The following FGD6 variants were observed in gnomAD, a reference collection of about 807,000 sequenced individuals.
The protein encoded by FGD6 is FYVE, RhoGEF and PH domain-containing protein 6.
In FGD6, 90 loss-of-function variants were observed where a neutral mutation model predicts 149.4. The ratio of observed to expected loss-of-function variants is 0.60; its 90% CI spans 0.51 to 0.72. The LOEUF is 0.72. FGD6 is among the 30% of genes least tolerant of loss of function. The pLI is 0.00. For synonymous variants in FGD6, 527 were observed against 584.0 expected (o/e 0.90, Z 1.41); for missense variants, 1,437 against 1,684.8 (o/e 0.85, Z 2.57).
chr12:95,165,813 GTC>G (rs763073278), intron 3 of FGD6, among the ~76,000 whole-genome samples: 3 of 150,600 alleles, frequency 2.0e-5, no homozygotes, highest in Non-Finnish European at 4.4e-5. Context: ...AATTTTTTGT[GTC>G]TGTTTTTTTT....
Position 95,106,937 on chromosome 12 carries a change from C to T in FGD6, c.3417+17G>A, listed in dbSNP as rs780435588. The T allele has an allele frequency of 2.6e-6, 4 of 1,560,518 alleles. No individual in the cohort carries two copies. Among genetic ancestry groups the T allele is most frequent in the Non-Finnish European group, 3.5e-6 (4 of 1,134,448 alleles). ...CAAAACAAAACAAAAAACAAAACAT[C>T]TAACAGATGCACACACCTTCATTCC... On this transcript the variant is annotated intron_variant, in intron 13 of 20. Transcript: ENST00000343958.
rs1296268426 is a variant in FGD6, at chr12:95,149,227, CATATATATTATATAAT to C, written c.2685+3568_2685+3583del. Among the ~76,000 whole-genome samples, 216 of 22,248 alleles carry C rather than the reference CATATATATTATATAAT, an allele frequency of 9.7e-3. 85 individuals carry two copies. Among genetic ancestry groups the C allele is most frequent in the African/African-American group, 0.022 (92 of 4,208 alleles). 14.6% of individuals were successfully genotyped at this position (22,248 alleles called of 152,430 possible). A position where few individuals can be genotyped will look rare whatever the true frequency, so the allele number is the denominator to read the frequency against. On this transcript the variant is annotated intron_variant, in intron 5 of 20. Transcript: ENST00000343958. ...ATATTATATATTATATAATATATAG[CATATATATTATATAAT>C]ATATAGCATATATATTATATATTAT...
intron 5 of FGD6, among the ~76,000 whole-genome samples, chr12:95,142,861 A>T (rs914217237): frequency 3.3e-5 from 5 of 152,086 alleles, no homozygotes; most frequent in South Asian, 2.1e-4. Flanking sequence ...TTCACCTATT[A>T]TTTTTCATTT....
chr12:95,142,694 A>C (rs1045402055), intron 5 of FGD6, among the ~76,000 whole-genome samples: 1 of 152,204 alleles, frequency 6.6e-6, no homozygotes, highest in Non-Finnish European at 1.5e-5. Flanking sequence ...TAGTTATGAG[A>C]CTTTAATTAG....
chr12:95,104,204 G>T (rs1350662085), intron 14 of FGD6, among the ~76,000 whole-genome samples: 1 of 152,090 alleles, frequency 6.6e-6, no homozygotes, highest in Admixed American at 6.6e-5. Flanking sequence ...ACGGTATTGG[G>T]AAAGAAGAAA....
intron 5 of FGD6, among the ~76,000 whole-genome samples, chr12:95,150,269 C>G (rs543239059): frequency 6.6e-6 from 1 of 152,018 alleles, no homozygotes; most frequent in African/African-American, 2.4e-5. Flanking sequence ...TCATGTGATC[C>G]GCCTGCCCTG....
chr12:95,199,614 C>CT (rs35515272), intron 2 of FGD6, among the ~76,000 whole-genome samples: 24,423 of 128,634 alleles, frequency 0.19, 2,921 homozygotes, highest in African/African-American at 0.29. Flanking sequence ...GAAAAGCTAC[C>CT]TTTTTTTTTT....
intron 2 of FGD6, among the ~76,000 whole-genome samples, chr12:95,191,993 G>A (rs1183513468): frequency 1.3e-5 from 2 of 152,084 alleles, no homozygotes; most frequent in African/African-American, 2.4e-5. Context: ...CTCCCAAAAT[G>A]CTAGGATTAC....
At chr12:95,105,582 G>A (rs1878585619) in intron 13 of FGD6, among the ~76,000 whole-genome samples, 1 of 152,172 alleles carries the variant, frequency 6.6e-6, no homozygotes, top group Admixed American at 6.5e-5. Flanking sequence ...AAGTCCCTGG[G>A]GGAGGAAAGA....
rs1877608191 is a variant in FGD6, at chr12:95,079,676, A to C, written c.*1844T>G. The C allele has an allele frequency of 1.3e-5, 2 of 152,188 alleles. No individual in the cohort carries two copies. 9.4% of individuals were successfully genotyped at this position (152,188 alleles called of 1,614,324 possible). A position where few individuals can be genotyped will look rare whatever the true frequency, so the allele number is the denominator to read the frequency against. ...GAAATTTTAGTGTACCTGCTATGAC[A>C]GAAAGGGGATGGCATGTTAGGATTG... On this transcript the variant is annotated 3_prime_UTR_variant, in exon 21 of 21. Transcript: ENST00000343958.
At chr12:95,189,426 T>C (rs1369828709) in intron 2 of FGD6, 1 of 152,108 alleles carries the variant, frequency 6.6e-6, no homozygotes, top group Non-Finnish European at 1.5e-5. Flanking sequence ...TGAGGGAGGA[T>C]CGCTTGAGCC....
intron 2 of FGD6, among the ~76,000 whole-genome samples, chr12:95,177,859 A>C (rs1000991690): frequency 2.6e-5 from 4 of 152,152 alleles, no homozygotes; most frequent in African/African-American, 9.6e-5. Context: ...ATAGGACTGC[A>C]GATTCCACTG....
chr12:95,158,228 C>T (rs551038058), intron 3 of FGD6, among the ~76,000 whole-genome samples: 137 of 138,176 alleles, frequency 9.9e-4, no homozygotes, highest in African/African-American at 3.7e-3. Context: ...AGTGCAGTGG[C>T]GTGATCTTGG....
chr12:95,097,505 G>A (rs896945219), intron 14 of FGD6, among the ~76,000 whole-genome samples: 6 of 151,948 alleles, frequency 3.9e-5, no homozygotes, highest in African/African-American at 1.5e-4. Flanking sequence ...GCATGGCGGT[G>A]CGCACCTGTA....
chr12:95,182,551 T>C (rs980089139), intron 2 of FGD6, among the ~76,000 whole-genome samples: 1 of 152,180 alleles, frequency 6.6e-6, no homozygotes, highest in Non-Finnish European at 1.5e-5. Flanking sequence ...TATATAAAAA[T>C]GGTGATGCCA....
At chr12:95,174,266 G>A (rs1312619742) in intron 2 of FGD6, among the ~76,000 whole-genome samples, 4 of 152,160 alleles carry the variant, frequency 2.6e-5, no homozygotes, top group East Asian at 1.9e-4. Flanking sequence ...TGAGATTAGC[G>A]AGAGCAAATG....
intron 2 of FGD6, among the ~76,000 whole-genome samples, chr12:95,180,554 G>A (rs906251194): frequency 6.6e-6 from 1 of 151,656 alleles, no homozygotes; most frequent in African/African-American, 2.4e-5. Context: ...CACCACACCT[G>A]GCTAATTTTC....
intron 19 of FGD6, 85 bp from the exon 20 acceptor site, chr12:95,084,731 A>C: frequency 9.1e-7 from 1 of 1,094,054 alleles, no homozygotes; most frequent in East Asian, 2.7e-5. Context: ...CATAGCTCTA[A>C]TTTAATTTCA....
chr12:95,081,877 G>C (rs1194562587), intron 20 of FGD6, among the ~76,000 whole-genome samples: 1 of 151,890 alleles, frequency 6.6e-6, no homozygotes, highest in Non-Finnish European at 1.5e-5. Context: ...TTTCCATGTT[G>C]GTCAGGCTGG....
Sources: allele counts gnomAD v4.1 joint callset (sites outside exome capture counted in the v4.1 genomes callset), GRCh38; gene constraint gnomAD v4.1.1; transcripts MANE v1.5; gene names NCBI Gene and HGNC (gene_info 2026-07-23, HGNC 2026-07-21).